RBM34: variants seen among roughly 807,000 people sequenced by gnomAD.
RBM34 encodes RNA binding motif protein 34, also known as RNA-binding protein 34.
A neutral mutation model predicts 44.6 loss-of-function variants in RBM34; 39 were observed. The ratio of observed to expected loss-of-function variants is 0.87; its 90% CI spans 0.68 to 1.14. The LOEUF (loss-of-function observed/expected upper bound fraction) is 1.14, where lower values mean the gene tolerates loss of function less well. RBM34 is among the 50% of genes most tolerant of loss of function. RBM34 has a pLI of 0.00. For missense variants in RBM34, 572 were observed against 517.9 expected (o/e 1.10, Z -1.01); for synonymous variants, 194 against 184.0 (o/e 1.05, Z -0.44).
At chr1:235,160,837 G>T in intron 2 of RBM34, 56 bp downstream of exon 2, 1 of 1,587,118 alleles carries the variant, frequency 6.3e-7, no homozygotes, top group South Asian at 1.1e-5. Flanking sequence ...TAAGAAGATT[G>T]CTTTGTATGT....
chr1:235,158,979 A>T (rs1478851697), intron 3 of RBM34, among the ~76,000 whole-genome samples: 1 of 151,240 alleles, frequency 6.6e-6, no homozygotes, highest in African/African-American at 2.4e-5. Context: ...AAAAAAAAAA[A>T]TGCTGACTGG....
chr1:235,132,236 A>G (rs73112799), intron 10 of RBM34, among the ~76,000 whole-genome samples: 4,116 of 150,540 alleles, frequency 0.027, 181 homozygotes, highest in African/African-American at 0.094. Flanking sequence ...ACAATGCTAC[A>G]GGCTTCGTGG....
At chr1:235,148,368 T>G in intron 6 of RBM34, 36 bp downstream of exon 6, 2 of 1,518,356 alleles carry the variant, frequency 1.3e-6, no homozygotes, top group Non-Finnish European at 1.8e-6. Flanking sequence ...AGGAAGAAAG[T>G]TTAAGGTGAC....
rs1661197747 is a variant in RBM34, at chr1:235,131,593, C to T, written c.*120G>A. ...AGAATGTGGAAGTCTCCACATTTCA[C>T]ATACACCATCCATAAAGAAGTATAA... On this transcript the variant is annotated 3_prime_UTR_variant, in exon 11 of 11. Transcript: ENST00000408888. 3.6e-6 allele frequency: 4 copies of T among 1,120,680 alleles called. No homozygotes were observed. The highest frequency in any genetic ancestry group is 2.4e-5 in the East Asian group (1 of 41,718). 69.4% of individuals were successfully genotyped at this position (1,120,680 alleles called of 1,614,324 possible). A position where few individuals can be genotyped will look rare whatever the true frequency, so the allele number is the denominator to read the frequency against.
intron 3 of RBM34, among the ~76,000 whole-genome samples, chr1:235,159,527 G>A (rs1408768094): frequency 2.1e-5 from 3 of 143,696 alleles, no homozygotes; most frequent in South Asian, 2.2e-4. Context: ...CAGCCTTGGC[G>A]ACAGAGTGAG....
chr1:235,134,292 G>A (rs1185945990), intron 10 of RBM34, among the ~76,000 whole-genome samples: 1 of 152,054 alleles, frequency 6.6e-6, no homozygotes, highest in African/African-American at 2.4e-5. Context: ...CTAAAGTGGT[G>A]GGATTACAGG....
chr1:235,141,919 G>T (rs958920169), intron 6 of RBM34, among the ~76,000 whole-genome samples: 1 of 152,328 alleles, frequency 6.6e-6, no homozygotes, highest in East Asian at 1.9e-4. Flanking sequence ...CACTCACCGC[G>T]AGGGTCCGCG....
rs765499478 is a variant in RBM34, at chr1:235,161,189, C to G, written c.38G>C (p.Arg13Thr). ...LEGMSKRKRK[R>T]SVQEGENPDD... ...CGCCACTCACCCCTCCTGGACACTT[C>G]TCTTTCTCTTCCGTTTGCTCATCCC... Residue 13 changes from arginine to threonine, a missense_variant, in exon 1 of 11, where the codon AGA becomes ACA. Arg to Thr is a moderately conservative substitution (Grantham distance 71). Coordinates refer to ENST00000408888, the MANE Select transcript of RBM34 (RefSeq NM_015014.4). The G allele has an allele frequency of 6.2e-7, 1 of 1,608,480 alleles. No homozygotes were observed. Among genetic ancestry groups the G allele is most frequent in the Non-Finnish European group, 8.5e-7 (1 of 1,176,472 alleles).
rs1171671362 is a variant in RBM34 at position 235,149,388 on chromosome 1, C to CAA, written c.658-943_658-942dup. ...TGGGCGACAGAACGAGACTCCGTCTCAAAAAAAAAAAAAAAAAAAGGAAAA... is the reference window on the plus strand; with the variant it reads ...TGGGCGACAGAACGAGACTCCGTCTCAAAAAAAAAAAAAAAAAAAAAGGAAAA... On this transcript the variant is annotated intron_variant, in intron 5 of 10. Transcript: ENST00000408888. Among the ~76,000 whole-genome samples the CAA allele has an allele frequency of 1.2e-3, 69 of 57,748 alleles. 1 individual carries two copies. Among genetic ancestry groups the CAA allele is most frequent in the African/African-American group, 2.2e-3 (36 of 16,478 alleles). 37.9% of individuals were successfully genotyped at this position (57,748 alleles called of 152,430 possible). A position where few individuals can be genotyped will look rare whatever the true frequency, so the allele number is the denominator to read the frequency against.
chr1:235,143,464 G>A (rs533274090), intron 6 of RBM34, among the ~76,000 whole-genome samples: 2 of 152,314 alleles, frequency 1.3e-5, no homozygotes, highest in East Asian at 1.9e-4. Context: ...GGCCGGGTGC[G>A]ATGGCTCACG....
intron 6 of RBM34, among the ~76,000 whole-genome samples, chr1:235,142,547 G>A (rs1334399408): frequency 6.6e-6 from 1 of 151,780 alleles, no homozygotes; most frequent in Non-Finnish European, 1.5e-5. Flanking sequence ...CCAAAGTAAT[G>A]GATTATAGGC....
chr1:235,140,619 C>G (rs865993063), intron 6 of RBM34, among the ~76,000 whole-genome samples: 1 of 152,174 alleles, frequency 6.6e-6, no homozygotes, highest in Admixed American at 6.5e-5. Context: ...CCCCGAGGAG[C>G]GCCACCCCCT....
chr1:235,138,941 T>C (rs4659549), intron 6 of RBM34, among the ~76,000 whole-genome samples: 37,878 of 152,094 alleles, frequency 0.25, 5,968 homozygotes, highest in South Asian at 0.53. Context: ...ATATTTCTTG[T>C]AAACTGGCAG....
In RBM34 at chr1:235,160,481, T is replaced by C. The variant is rs771855641; in HGVS notation, c.365+30A>G. 10 of 1,591,496 alleles carry C rather than the reference T, an allele frequency of 6.3e-6. No homozygotes were observed. The South Asian group carries it at 7.9e-5, about 13-fold the overall frequency. On this transcript the variant is annotated intron_variant, in intron 3 of 10. Transcript: ENST00000408888. ...GAATGTTAATTTACCATCTAATTTCTTTAACATCAAATAAGAGAATTTTAC... is the reference window on the plus strand; with the variant it reads ...GAATGTTAATTTACCATCTAATTTCCTTAACATCAAATAAGAGAATTTTAC...
At chr1:235,157,782 G>A (rs534683540) in intron 3 of RBM34, among the ~76,000 whole-genome samples, 12 of 152,328 alleles carry the variant, frequency 7.9e-5, no homozygotes, top group South Asian at 2.1e-4. Context: ...AAGAAAAGCA[G>A]CCACGTGAAA....
At chr1:235,159,092 A>G (rs1448290654) in intron 3 of RBM34, among the ~76,000 whole-genome samples, 1 of 151,858 alleles carries the variant, frequency 6.6e-6, no homozygotes, top group Admixed American at 6.6e-5. Flanking sequence ...GCATGCCTAT[A>G]GTCTAAGCAA....
intron 10 of RBM34, among the ~76,000 whole-genome samples, chr1:235,134,489 C>G (rs1434705789): frequency 6.6e-6 from 1 of 152,108 alleles, no homozygotes; most frequent in Admixed American, 6.6e-5. Context: ...TTAATATTGT[C>G]AGGCATGAAA....
Position 235,132,597 on chromosome 1 carries a change from G to A in RBM34, c.1009-600C>T, listed in dbSNP as rs750526628. Among the ~76,000 whole-genome samples the A allele has an allele frequency of 4.5e-4, 68 of 152,042 alleles. 1 individual carries two copies. Among genetic ancestry groups the A allele is most frequent in the Admixed American group, 3.3e-3 (51 of 15,244 alleles). ...GCTGGGATTACAGGCATGAGCCACC[G>A]CGCCTGGCCCCCATATGCAATATTT... is the stretch of plus-strand genomic sequence containing the variant. On this transcript the variant is annotated intron_variant, in intron 10 of 10. Coordinates refer to ENST00000408888, the MANE Select transcript of RBM34 (RefSeq NM_015014.4).
rs761502299 is a variant in RBM34 at position 235,160,892 on chromosome 1, C to A, written c.228+1G>T. ...TTCGGGAAGAAAGCCCAGTGACTTACTTTAGGCACAGGCACGTACACGGGT... is the reference window on the plus strand; with the variant it reads ...TTCGGGAAGAAAGCCCAGTGACTTAATTTAGGCACAGGCACGTACACGGGT... On this transcript the variant is annotated splice_donor_variant, in intron 2 of 10. Coordinates refer to ENST00000408888, the MANE Select transcript of RBM34 (RefSeq NM_015014.4). LOFTEE classifies it high-confidence loss of function. The A allele has an allele frequency of 6.2e-7, 1 of 1,613,736 alleles. No individual in the cohort carries two copies. Among genetic ancestry groups the A allele is most frequent in the Non-Finnish European group, 8.5e-7 (1 of 1,179,824 alleles).
Sources: gnomAD v4.1 joint callset for allele counts (sites outside exome capture counted in the v4.1 genomes callset) on GRCh38, gnomAD v4.1.1 for gene constraint, MANE v1.5 for transcripts, NCBI Gene and HGNC (gene_info 2026-07-23, HGNC 2026-07-21) for gene names.